The following DDX19B variants were observed in gnomAD, a reference collection of about 807,000 sequenced individuals.
DDX19B encodes the protein ATP-dependent RNA helicase DDX19B.
In DDX19B, 27 loss-of-function variants were observed where a neutral mutation model predicts 58.1. The ratio of observed to expected loss-of-function variants is 0.46; its 90% confidence interval spans 0.34 to 0.64. DDX19B has a LOEUF of 0.64. Among genes scored for constraint, DDX19B ranks in the 30% least tolerant of loss-of-function variants. The probability of loss-of-function intolerance (pLI) is 0.01; values close to 1 mark genes in which losing one functional copy is unlikely to be tolerated. For missense variants in DDX19B, 399 were observed against 596.5 expected (o/e 0.67, Z 3.45); for synonymous variants, 187 against 214.4 (o/e 0.87, Z 1.12).
chr16:70,300,610 A>G (rs147058254), intron 1 of DDX19B, among the ~76,000 whole-genome samples: 22 of 135,566 alleles, frequency 1.6e-4, no homozygotes, highest in African/African-American at 5.6e-4. Context: ...GCCAACTACA[A>G]CCTCCCCTTC....
chr16:70,292,167 T>C (rs936944539), upstream of DDX19B, among the ~76,000 whole-genome samples: 1 of 151,954 alleles, frequency 6.6e-6, no homozygotes, highest in African/African-American at 2.4e-5. Flanking sequence ...TCTTTTTTTT[T>C]CCTTTTTTTG....
chr16:70,328,042 T>C (rs1963269054), intron 7 of DDX19B, among the ~76,000 whole-genome samples: 1 of 151,666 alleles, frequency 6.6e-6, no homozygotes, highest in South Asian at 2.1e-4. Context: ...TAATCCCAGC[T>C]ACTCAGGAGG....
chr16:70,331,623 G>A (rs140340250), intron 9 of DDX19B, 99 bp from the exon 10 acceptor site: 2 of 1,450,034 alleles, frequency 1.4e-6, no homozygotes, highest in African/African-American at 1.4e-5. Context: ...ATTTAGCAGG[G>A]CCTTCATGTA....
intron 1 of DDX19B, 55 bp downstream of exon 1, chr16:70,299,409 G>A (rs955421493): frequency 6.6e-7 from 1 of 1,523,552 alleles, no homozygotes; most frequent in Non-Finnish European, 8.8e-7. Context: ...TCGGAGACTT[G>A]GTCCCTGGGA....
At chr16:70,295,310 T>C (rs1234906909), upstream of DDX19B, among the ~76,000 whole-genome samples, 4 of 152,110 alleles carry the variant, frequency 2.6e-5, no homozygotes, top group African/African-American at 7.2e-5. Context: ...TTGTTTTGTT[T>C]TGAGACAGGC....
chr16:70,301,921 ATTTTTTT>A (rs772503910), intron 1 of DDX19B, among the ~76,000 whole-genome samples: 1 of 130,280 alleles, frequency 7.7e-6, no homozygotes, highest in Non-Finnish European at 1.7e-5. Flanking sequence ...TGGCCCTTTA[ATTTTTTT>A]TTTTTTTTTG....
Position 70,299,363 on chromosome 16 carries a change from G to A in DDX19B, c.57+9G>A. ...AAGCTGCGGCTGAGTCGGTGAGTTG[G>A]CTTCAGCCCTAAAAGGGTCAGGGGA... On this transcript the variant is annotated intron_variant, in intron 1 of 11. Coordinates refer to ENST00000288071, the MANE Select transcript of DDX19B (RefSeq NM_007242.7). 6.2e-7 allele frequency: 1 copy of A among 1,605,500 alleles called. No homozygotes were observed. The highest frequency in any genetic ancestry group is 2.3e-5 in the East Asian group (1 of 44,444).
chr16:70,325,054 AAAAAT>A (rs1963070763), intron 6 of DDX19B, among the ~76,000 whole-genome samples: 1 of 152,224 alleles, frequency 6.6e-6, no homozygotes, highest in African/African-American at 2.4e-5. Flanking sequence ...TCTGTCTCAA[AAAAAT>A]AAAATAAAAG....
At chr16:70,327,114 G>C (rs948084471) in intron 7 of DDX19B, among the ~76,000 whole-genome samples, 4 of 151,940 alleles carry the variant, frequency 2.6e-5, no homozygotes, top group Non-Finnish European at 5.9e-5. Flanking sequence ...GATTACAGGC[G>C]TGAGCCACTG....
chr16:70,323,427 TC>T (rs1268472569), intron 5 of DDX19B, among the ~76,000 whole-genome samples: 9 of 150,064 alleles, frequency 6.0e-5, no homozygotes, highest in African/African-American at 2.0e-4. Context: ...TTTTCTTTTT[TC>T]TTTTTTTTTT....
chr16:70,289,892 T>TA, upstream of DDX19B: 1 of 375,710 alleles, frequency 2.7e-6, no homozygotes, highest in South Asian at 1.9e-5. Context: ...CTATAGTTGT[T>TA]TATTTTAGTT....
intron 7 of DDX19B, among the ~76,000 whole-genome samples, 195 bp downstream of exon 7, chr16:70,325,883 C>T (rs779343825): frequency 3.3e-5 from 5 of 152,184 alleles, no homozygotes; most frequent in Non-Finnish European, 7.3e-5. Context: ...AAGTAAACTG[C>T]AGACATGCAC....
At chr16:70,297,192 G>T (rs1961254976), upstream of DDX19B, among the ~76,000 whole-genome samples, 1 of 151,800 alleles carries the variant, frequency 6.6e-6, no homozygotes, top group East Asian at 1.9e-4. Context: ...GGGATTACAG[G>T]TGCAAGCCAC....
intron 9 of DDX19B, 104 bp from the exon 10 acceptor site, chr16:70,331,618 G>A: frequency 7.0e-7 from 1 of 1,431,056 alleles, no homozygotes; most frequent in Non-Finnish European, 9.3e-7. Flanking sequence ...ACTGGATTTA[G>A]CAGGGCCTTC....
rs1392839488 is a variant in DDX19B at position 70,329,907 on chromosome 16, G to C, written c.862G>C (p.Val288Leu). ...CTCTGTGTGGAAGTTTGCCCAGAAAGTGGTCCCAGACCCAAACGTTATCAA... is the reference window on the plus strand; with the variant it reads ...CTCTGTGTGGAAGTTTGCCCAGAAACTGGTCCCAGACCCAAACGTTATCAA... The part of the protein sequence containing the change: ...EDSVWKFAQK[V>L]VPDPNVIKLK... The change falls in exon 9 of 12, where the codon GTG (valine) becomes CTG (leucine). Residue 288 changes from valine (V) to leucine (L), a missense_variant. Coordinates refer to ENST00000288071, the MANE Select transcript of DDX19B (RefSeq NM_007242.7). 1 of 1,614,124 alleles carries C rather than the reference G, an allele frequency of 6.2e-7. No individual in the cohort carries two copies. Among genetic ancestry groups the C allele is most frequent in the Admixed American group, 1.7e-5 (1 of 60,000 alleles).
At chr16:70,305,406 G>A (rs900810719) in intron 1 of DDX19B, among the ~76,000 whole-genome samples, 2 of 152,120 alleles carry the variant, frequency 1.3e-5, no homozygotes, top group African/African-American at 4.8e-5. Context: ...TGCCTAACCT[G>A]GCAGGCATTG....
rs1388115163 is a variant in DDX19B at position 70,320,449 on chromosome 16, C to A, written c.389+2861C>A. Reference sequence around the variant, plus strand: ...GCACTGGCACCATCTTGGCTCACTGCAACCTCTGCCTCCTGGGCGTAAGCA... The same window carrying A: ...GCACTGGCACCATCTTGGCTCACTGAAACCTCTGCCTCCTGGGCGTAAGCA... On this transcript the variant is annotated intron_variant, in intron 5 of 11. Coordinates refer to ENST00000288071, the MANE Select transcript of DDX19B (RefSeq NM_007242.7). Among the ~76,000 whole-genome samples the A allele has an allele frequency of 2.7e-5, 4 of 150,630 alleles. No homozygotes were observed. In the East Asian group the frequency reaches 7.8e-4, roughly 29 times the overall value.
Position 70,330,045 on chromosome 16 carries a change from G to T in DDX19B, c.1000G>T (p.Ala334Ser). 2 of 1,613,988 alleles carry T rather than the reference G, an allele frequency of 1.2e-6. No individual in the cohort carries two copies. Among genetic ancestry groups the T allele is most frequent in the Non-Finnish European group, 1.7e-6 (2 of 1,179,882 alleles). The part of the protein sequence containing the change: ...LCNLYGAITI[A>S]QAMIFCHTRK... The stretch of plus-strand genomic sequence containing the variant: ...TAACCTCTACGGGGCCATCACCATT[G>T]CTCAAGCCATGATCTTCTGCCATGT... The change falls in exon 9 of 12, where the codon GCT becomes TCT. Residue 334 changes from alanine (A) to serine (S), a missense_variant. Coordinates refer to ENST00000288071, the MANE Select transcript of DDX19B (RefSeq NM_007242.7).
chr16:70,307,637 A>G (rs1476840256), intron 1 of DDX19B, among the ~76,000 whole-genome samples: 2 of 152,086 alleles, frequency 1.3e-5, no homozygotes, highest in Non-Finnish European at 2.9e-5. Flanking sequence ...TACTAGGATT[A>G]CAGGCGTGAG....
Sources: gnomAD v4.1 joint callset for allele counts (sites outside exome capture counted in the v4.1 genomes callset) on GRCh38, gnomAD v4.1.1 for gene constraint, MANE v1.5 for transcripts, NCBI Gene and HGNC (gene_info 2026-07-23, HGNC 2026-07-21) for gene names.